SLC1A2: variants seen among roughly 807,000 people sequenced by gnomAD.
SLC1A2 encodes excitatory amino acid transporter 2.
A neutral mutation model predicts 48.8 loss-of-function variants in SLC1A2; 15 were observed. That is an observed-to-expected ratio of 0.31 (90% CI 0.21 to 0.47). The LOEUF (loss-of-function observed/expected upper bound fraction) is 0.47, where lower values mean the gene tolerates loss of function less well. Among genes scored for constraint, SLC1A2 ranks in the 20% least tolerant of loss-of-function variants. The pLI, the probability that SLC1A2 is intolerant of heterozygous loss-of-function variation, is 0.99. For missense variants in SLC1A2, 502 were observed against 730.5 expected, an observed-to-expected ratio of 0.69 and a Z score of 3.61; for synonymous variants, 279 against 272.6, an observed-to-expected ratio of 1.02 and a Z score of -0.23.
intron 1 of SLC1A2, among the ~76,000 whole-genome samples, chr11:35,326,605 T>C (rs2134962447): frequency 6.6e-6 from 1 of 152,340 alleles, no homozygotes; most frequent in Middle Eastern, 3.4e-3. Flanking sequence ...TTCTTCCTTC[T>C]AGACTGAGCA....
chr11:35,276,601 C>T (rs1850449368), intron 9 of SLC1A2, among the ~76,000 whole-genome samples: 2 of 152,182 alleles, frequency 1.3e-5, no homozygotes, highest in African/African-American at 2.4e-5. Context: ...CATTTGCTAA[C>T]ATTTAGGTCA....
intron 6 of SLC1A2, among the ~76,000 whole-genome samples, chr11:35,297,259 T>TC (rs1755693055): frequency 6.6e-6 from 1 of 152,192 alleles, no homozygotes; most frequent in African/African-American, 2.4e-5. Flanking sequence ...CGATGTTTGG[T>TC]CACCCTGTGG....
At chr11:35,367,675 C>T (rs754463999) in intron 1 of SLC1A2, among the ~76,000 whole-genome samples, 6 of 152,198 alleles carry the variant, frequency 3.9e-5, no homozygotes, top group Non-Finnish European at 8.8e-5. Context: ...CCACGTGCTA[C>T]CATCAGCTGA....
intron 1 of SLC1A2, among the ~76,000 whole-genome samples, chr11:35,397,971 A>C (rs1855017243): frequency 2.0e-5 from 3 of 152,178 alleles, no homozygotes; most frequent in Admixed American, 2.0e-4. Flanking sequence ...AGTCTTTAAA[A>C]CTCACAAAGC....
At chr11:35,325,976 AAAAAAAAAAG>A (rs553859880) in intron 1 of SLC1A2, among the ~76,000 whole-genome samples, 17,652 of 150,758 alleles carry the variant, frequency 0.12, 1,245 homozygotes, top group East Asian at 0.19. Context: ...AAAAAAAAAA[AAAAAAAAAAG>A]GAGGGAACAC....
chr11:35,321,838 A>G (rs12279038), intron 1 of SLC1A2, among the ~76,000 whole-genome samples: 16,194 of 152,070 alleles, frequency 0.11, 1,020 homozygotes, highest in East Asian at 0.19. Context: ...TTCCCTTCCT[A>G]TGTCCTGTGG....
intron 1 of SLC1A2, among the ~76,000 whole-genome samples, chr11:35,394,751 C>A (rs762751945): frequency 6.6e-6 from 1 of 152,198 alleles, no homozygotes; most frequent in South Asian, 2.1e-4. Flanking sequence ...AGGCACAGTA[C>A]TGGGTGCTGA....
intron 2 of SLC1A2, chr11:35,315,389 A>G (rs1851842264): frequency 2.3e-6 from 1 of 444,288 alleles, no homozygotes; most frequent in African/African-American, 2.0e-5. Context: ...AAAAGTCAGC[A>G]CCCAAAGAGT....
intron 1 of SLC1A2, among the ~76,000 whole-genome samples, chr11:35,358,642 TA>T (rs1193850890): frequency 5.3e-5 from 8 of 152,240 alleles, no homozygotes; most frequent in African/African-American, 9.6e-5. Context: ...TTCTTTATTT[TA>T]TTTTTTTATC....
intron 1 of SLC1A2, among the ~76,000 whole-genome samples, chr11:35,409,571 G>C (rs763128433): frequency 6.6e-6 from 1 of 152,144 alleles, no homozygotes; most frequent in Non-Finnish European, 1.5e-5. Flanking sequence ...GAAGAGAAGG[G>C]CTTCTCTCTT....
intron 4 of SLC1A2, among the ~76,000 whole-genome samples, chr11:35,307,672 C>A (rs1359542321): frequency 6.6e-6 from 1 of 152,204 alleles, no homozygotes; most frequent in Non-Finnish European, 1.5e-5. Context: ...ATGGGCAGAA[C>A]TGGGATGTCA....
chr11:35,281,081 T>C (rs1850618348), intron 8 of SLC1A2, 80 bp from the exon 9 acceptor site: 3 of 1,440,148 alleles, frequency 2.1e-6, no homozygotes, highest in Admixed American at 2.7e-5. Context: ...AAGCTCTAAT[T>C]TTCCTGCAGC....
chr11:35,315,001 G>C, intron 3 of SLC1A2, 22 bp downstream of exon 3: 1 of 1,592,788 alleles, frequency 6.3e-7, no homozygotes, highest in Non-Finnish European at 8.6e-7. Flanking sequence ...ATGTTAGCCA[G>C]GCACTAGTGA....
At chr11:35,396,074 CA>C (rs1019411121) in intron 1 of SLC1A2, among the ~76,000 whole-genome samples, 2 of 141,146 alleles carry the variant, frequency 1.4e-5, no homozygotes, top group Non-Finnish European at 3.0e-5. Context: ...TCCAGTCTAT[CA>C]TTGTTGGACA....
chr11:35,286,648 A>AT (rs1441155518), intron 8 of SLC1A2, 109 bp downstream of exon 8: 1 of 754,558 alleles, frequency 1.3e-6, no homozygotes, highest in Admixed American at 2.9e-5. Flanking sequence ...TATTACCTTC[A>AT]TTGTCTTCCA....
chr11:35,375,996 G>A (rs1327166111), intron 1 of SLC1A2, among the ~76,000 whole-genome samples: 1 of 152,160 alleles, frequency 6.6e-6, no homozygotes, highest in African/African-American at 2.4e-5. Flanking sequence ...TGGCTCCACA[G>A]TCCATACTCC....
chr11:35,382,800 A>G (rs1405357473), intron 1 of SLC1A2, among the ~76,000 whole-genome samples: 1 of 152,200 alleles, frequency 6.6e-6, no homozygotes, highest in East Asian at 1.9e-4. Context: ...AGTCTCAAAA[A>G]AAAAAAAAAG....
chr11:35,298,141 G>C (rs1591441945), intron 6 of SLC1A2: 1 of 152,204 alleles, frequency 6.6e-6, no homozygotes, highest in African/African-American at 2.4e-5. Flanking sequence ...TTTTTGTTCA[G>C]TACTATTGTG....
At chr11:35,283,397 C>T (rs571735599) in intron 8 of SLC1A2, among the ~76,000 whole-genome samples, 30 of 152,260 alleles carry the variant, frequency 2.0e-4, no homozygotes, top group Middle Eastern at 3.4e-3. Flanking sequence ...GTGGTGGGTG[C>T]CCCAGAGGTA....
Sources: allele counts gnomAD v4.1 joint callset (sites outside exome capture counted in the v4.1 genomes callset), GRCh38; gene constraint gnomAD v4.1.1; transcripts MANE v1.5; gene names NCBI Gene and HGNC (gene_info 2026-07-23, HGNC 2026-07-21).